Variants in TMTC2 observed in about 807,000 individuals in gnomAD.
The protein encoded by TMTC2 is transmembrane O-mannosyltransferase targeting cadherins 2, also known as protein O-mannosyl-transferase TMTC2.
In TMTC2, 43 loss-of-function variants were observed where a neutral mutation model predicts 82.4. The observed-to-expected ratio is 0.52, with a 90% CI of 0.41 to 0.67. The LOEUF (loss-of-function observed/expected upper bound fraction) is 0.67, where lower values mean the gene tolerates loss of function less well. Among genes scored for constraint, TMTC2 ranks in the 30% least tolerant of loss-of-function variants. The probability of loss-of-function intolerance (pLI) is 0.00; values close to 1 mark genes in which losing one functional copy is unlikely to be tolerated. For synonymous variants in TMTC2, 408 were observed against 381.9 expected, an observed-to-expected ratio of 1.07 and a Z score of -0.80; for missense variants, 919 against 1,012.4, an observed-to-expected ratio of 0.91 and a Z score of 1.25.
chr12:82,936,119 G>A (rs865778055), intron 4 of TMTC2, among the ~76,000 whole-genome samples: 4 of 151,782 alleles, frequency 2.6e-5, no homozygotes, highest in African/African-American at 7.3e-5. Flanking sequence ...AAAATCATAC[G>A]AATATATATA....
At chr12:82,985,511 T>C (rs1879116381) in intron 7 of TMTC2, among the ~76,000 whole-genome samples, 1 of 152,202 alleles carries the variant, frequency 6.6e-6, no homozygotes, top group African/African-American at 2.4e-5. Flanking sequence ...AGTTCCTTTA[T>C]AAGGCTTTCC....
intron 4 of TMTC2, among the ~76,000 whole-genome samples, chr12:82,932,300 T>C (rs1280424754): frequency 6.6e-6 from 1 of 152,184 alleles, no homozygotes; most frequent in Non-Finnish European, 1.5e-5. Flanking sequence ...GTGGTCTGAA[T>C]TAGGTCAGCA....
At chr12:82,924,076 G>C (rs573296186) in intron 3 of TMTC2, among the ~76,000 whole-genome samples, 1 of 152,202 alleles carries the variant, frequency 6.6e-6, no homozygotes, top group Non-Finnish European at 1.5e-5. Flanking sequence ...AGAAGGAATT[G>C]TTTTTATATT....
rs534466862 is a variant in TMTC2, at chr12:82,970,456, C to T, written c.1948+3459C>T. ...ACGCCATTCTCCTGCCTCAGCCTCC[C>T]GAGTAGCTGGGACTACAGGCGCCCG... On this transcript the variant is annotated intron_variant, in intron 7 of 11. Coordinates refer to ENST00000321196, the MANE Select transcript of TMTC2 (RefSeq NM_152588.3). Among the ~76,000 whole-genome samples, 380 of 151,534 alleles carry T rather than the reference C, an allele frequency of 2.5e-3. 1 individual carries two copies. The highest frequency in any genetic ancestry group is 4.5e-3 in the Non-Finnish European group (306 of 67,890).
chr12:82,779,914 A>G (rs1261570311), intron 1 of TMTC2, among the ~76,000 whole-genome samples: 11 of 152,058 alleles, frequency 7.2e-5, no homozygotes, highest in Admixed American at 7.2e-4. Flanking sequence ...AAAAATAGCC[A>G]TAGTTCTCAT....
chr12:83,045,751 A>ACACACACACACACACAC (rs1565867415), intron 9 of TMTC2, among the ~76,000 whole-genome samples: 1 of 138,100 alleles, frequency 7.2e-6, no homozygotes. Context: ...ACACACACAC[A>ACACACACACACACACAC]CCAGGAGTGT....
At chr12:83,007,527 G>A (rs566241415) in intron 8 of TMTC2, among the ~76,000 whole-genome samples, 1 of 152,054 alleles carries the variant, frequency 6.6e-6, no homozygotes, top group African/African-American at 2.4e-5. Context: ...TAAACTGCTT[G>A]ATGTGCGTAC....
intron 11 of TMTC2, among the ~76,000 whole-genome samples, chr12:83,120,720 T>C (rs1884921548): frequency 6.6e-6 from 1 of 152,216 alleles, no homozygotes; most frequent in South Asian, 2.1e-4. Flanking sequence ...CCAGGGAAGT[T>C]TTCCTCGATT....
chr12:82,756,486 C>T (rs1281812459), intron 1 of TMTC2, among the ~76,000 whole-genome samples: 1 of 152,318 alleles, frequency 6.6e-6, no homozygotes, highest in Non-Finnish European at 1.5e-5. Context: ...GGCCTCCCTG[C>T]GTTGGCAGGT....
At chr12:82,851,491 C>T (rs911124845) in intron 1 of TMTC2, among the ~76,000 whole-genome samples, 1 of 152,192 alleles carries the variant, frequency 6.6e-6, no homozygotes. Flanking sequence ...TAATCATTTA[C>T]TCTTCACAAT....
intron 4 of TMTC2, among the ~76,000 whole-genome samples, chr12:82,956,178 T>A (rs1877603259): frequency 6.6e-6 from 1 of 152,142 alleles, no homozygotes; most frequent in Non-Finnish European, 1.5e-5. Context: ...CAATAGAAAC[T>A]ACAAAGCAAC....
chr12:82,921,134 A>G (rs567494161), intron 3 of TMTC2, among the ~76,000 whole-genome samples: 1 of 152,146 alleles, frequency 6.6e-6, no homozygotes, highest in South Asian at 2.1e-4. Flanking sequence ...CATTTGGATA[A>G]TTTTGTTTTC....
intron 9 of TMTC2, among the ~76,000 whole-genome samples, chr12:83,039,448 T>C (rs1881805329): frequency 1.3e-5 from 2 of 150,432 alleles, no homozygotes; most frequent in African/African-American, 5.0e-5. Context: ...ATGAATATAT[T>C]ATATATTTGA....
chr12:83,035,960 T>C (rs2040379870), intron 9 of TMTC2, among the ~76,000 whole-genome samples: 1 of 152,188 alleles, frequency 6.6e-6, no homozygotes, highest in Admixed American at 6.5e-5. Flanking sequence ...TCATGAAATA[T>C]TGAGGACTGA....
chr12:83,100,871 A>G (rs1437034303), intron 11 of TMTC2, among the ~76,000 whole-genome samples: 3 of 152,212 alleles, frequency 2.0e-5, no homozygotes, highest in Non-Finnish European at 4.4e-5. Context: ...AGCCTCTGGA[A>G]GCTTCTTTCA....
intron 1 of TMTC2, among the ~76,000 whole-genome samples, chr12:82,821,675 A>G (rs1869117787): frequency 6.6e-6 from 1 of 152,098 alleles, no homozygotes; most frequent in Admixed American, 6.5e-5. Flanking sequence ...GTTCAAGATC[A>G]GCCTGGCCAA....
intron 4 of TMTC2, among the ~76,000 whole-genome samples, chr12:82,957,424 A>AAGGCT (rs1383386457): frequency 1.3e-5 from 2 of 152,294 alleles, no homozygotes; most frequent in East Asian, 1.9e-4. Flanking sequence ...CCTACCTCAA[A>AAGGCT]AGGCTAGGAA....
chr12:82,854,397 T>C (rs1409681275), intron 1 of TMTC2, among the ~76,000 whole-genome samples: 1 of 152,132 alleles, frequency 6.6e-6, no homozygotes, highest in Non-Finnish European at 1.5e-5. Flanking sequence ...TAAGGACACC[T>C]TGTGGGCCAA....
intron 1 of TMTC2, among the ~76,000 whole-genome samples, chr12:82,765,878 T>C (rs1876931440): frequency 6.6e-6 from 1 of 152,042 alleles, no homozygotes; most frequent in Admixed American, 6.5e-5. Flanking sequence ...GGGCTGGGGA[T>C]AGATGATCAA....
Sources: gnomAD v4.1 joint callset for allele counts (sites outside exome capture counted in the v4.1 genomes callset) on GRCh38, gnomAD v4.1.1 for gene constraint, MANE v1.5 for transcripts, NCBI Gene and HGNC (gene_info 2026-07-23, HGNC 2026-07-21) for gene names.